The following CERS4 variants were observed in gnomAD, a reference collection of about 807,000 sequenced individuals.
The protein encoded by CERS4 is LAG1 homolog, ceramide synthase 4.
Under a neutral mutation model 51.8 loss-of-function variants are expected in CERS4, and 65 were observed. That is an observed-to-expected ratio of 1.26 (90% CI 1.03 to 1.54). The LOEUF is 1.54. Among genes scored for constraint, CERS4 ranks in the 40% most tolerant of loss-of-function variants. CERS4 has a pLI of 0.00. For missense variants in CERS4, 563 were observed against 500.4 expected (o/e 1.13, Z -1.19); for synonymous variants, 228 against 208.4 (o/e 1.09, Z -0.81).
intron 2 of CERS4, among the ~76,000 whole-genome samples, chr19:8,235,213 T>A (rs1445607673): frequency 1.3e-5 from 2 of 151,510 alleles, no homozygotes; most frequent in Non-Finnish European, 2.9e-5. Context: ...TTCACCATGT[T>A]GGCCAAGATG....
chr19:8,223,726 C>T (rs920020919), intron 2 of CERS4, among the ~76,000 whole-genome samples: 1 of 152,112 alleles, frequency 6.6e-6, no homozygotes, highest in Non-Finnish European at 1.5e-5. Context: ...GTCGAAACTG[C>T]AGTGAACCTT....
chr19:8,261,630 G>A, intron 10 of CERS4, 58 bp from the exon 11 acceptor site: 1 of 1,600,848 alleles, frequency 6.2e-7, no homozygotes, highest in Non-Finnish European at 8.5e-7. Context: ...AAATTCTTAG[G>A]ACTGGGGGCT....
rs773339889 is a variant in CERS4, at chr19:8,251,058, T to C, written c.-1-18T>C. The C allele has an allele frequency of 6.4e-7, 1 of 1,566,270 alleles. No homozygotes were observed. The highest frequency in any genetic ancestry group is 1.8e-5 in the Admixed American group (1 of 54,506). On this transcript the variant is annotated intron_variant, in intron 2 of 11. Coordinates refer to ENST00000251363, the MANE Select transcript of CERS4 (RefSeq NM_024552.3). ...TCTGCTTGCAGACCTCCCAGCTAAC[T>C]GGAACCTGTGTCCACAGAATGCTGT...
chr19:8,226,402 C>T (rs1167987191), intron 2 of CERS4, among the ~76,000 whole-genome samples: 1 of 152,120 alleles, frequency 6.6e-6, no homozygotes, highest in Non-Finnish European at 1.5e-5. Flanking sequence ...TCTGGCTTTG[C>T]ACCTGCTTGG....
At chr19:8,259,161 AG>A (rs1969549107) in intron 10 of CERS4, among the ~76,000 whole-genome samples, 1 of 152,184 alleles carries the variant, frequency 6.6e-6, no homozygotes, top group Non-Finnish European at 1.5e-5. Context: ...GGAAGGGAGC[AG>A]GAAGTATGGG....
intron 2 of CERS4, chr19:8,238,685 G>A (rs562014561): frequency 2.8e-6 from 2 of 707,374 alleles, no homozygotes; most frequent in South Asian, 1.3e-4. Flanking sequence ...GCTGACAGGA[G>A]AGGTGGTTGC....
At position 8,256,346 on chromosome 19, in the gene CERS4, AGCCATG is replaced by A. The variant is rs1429911029; in HGVS notation, c.519+62_519+67del. The A allele has an allele frequency of 1.9e-6, 3 of 1,582,292 alleles. No homozygotes were observed. In the African/African-American group the frequency reaches 4.0e-5, roughly 21 times the overall value. On this transcript the variant is annotated intron_variant, in intron 7 of 11. Coordinates refer to ENST00000251363, the MANE Select transcript of CERS4 (RefSeq NM_024552.3). Reference sequence around the variant, plus strand: ...TGAGGGCGATGATCACAGTTGCTGCAGCCATGGGCATGGGACCCGAACCCTGACACT... The same window carrying A: ...TGAGGGCGATGATCACAGTTGCTGCAGGCATGGGACCCGAACCCTGACACT...
chr19:8,254,398 C>T, intron 3 of CERS4, 101 bp from the exon 4 acceptor site: 3 of 1,017,060 alleles, frequency 2.9e-6, no homozygotes, highest in Non-Finnish European at 4.5e-6. Context: ...AACTTTGCCC[C>T]TCCGAGACTT....
intron 2 of CERS4, among the ~76,000 whole-genome samples, chr19:8,236,670 C>G (rs1968267482): frequency 7.8e-6 from 1 of 127,446 alleles, no homozygotes; most frequent in African/African-American, 3.1e-5. Flanking sequence ...CAGAACCAGG[C>G]CCTGTCTTCT....
In CERS4 at chr19:8,245,126, A is replaced by AC. The variant is rs1555777241; in HGVS notation, c.-1-5950_-1-5949insC. 5.7e-4 allele frequency among the ~76,000 whole-genome samples: 84 copies of AC among 148,218 alleles called. 1 individual carries two copies. Among genetic ancestry groups the AC allele is most frequent in the South Asian group, 3.2e-3 (15 of 4,676 alleles). ...GACTCCATCTCAAAAAAAAAAAAAA[A>AC]AAAAAAAAACACTCTTGGCTTCAAG... On this transcript the variant is annotated intron_variant, in intron 2 of 11. Transcript: ENST00000251363.
rs1397318957 is a variant in CERS4 at position 8,215,245 on chromosome 19, G to A, written c.-2+4383G>A. The stretch of plus-strand genomic sequence containing the variant: ...TGTGATCCCAGCACTTTGGGAGGCC[G>A]ATGTGGGTGGATCGCCTGAGGTCAA... On this transcript the variant is annotated intron_variant, in intron 2 of 11. Transcript: ENST00000251363. Among the ~76,000 whole-genome samples, 8 of 152,182 alleles carry A rather than the reference G, an allele frequency of 5.3e-5. 1 individual carries two copies. The highest frequency in any genetic ancestry group is 3.4e-3 in the Middle Eastern group (1 of 294).
chr19:8,255,709 A>T lies in CERS4; in HGVS notation c.394A>T (p.Lys132Ter). 12 of 1,612,562 alleles carry T rather than the reference A, an allele frequency of 7.4e-6. No homozygotes were observed. Among genetic ancestry groups the T allele is most frequent in the Non-Finnish European group, 1.0e-5 (12 of 1,179,562 alleles). ...RNQDRPQLTK[K>*]FCEASWRFLF... is the part of the protein sequence containing the mutation. The stretch of plus-strand genomic sequence containing the variant: ...CCAGGATCGACCCCAGCTGACCAAG[A>T]AGTTCTGTGAGGCCAGGTAAGCCCA... The change falls in exon 5 of 12, where the codon AAG becomes TAG. Residue 132 changes from lysine to a stop codon, truncating the protein, a stop_gained. Coordinates refer to ENST00000251363, the MANE Select transcript of CERS4 (RefSeq NM_024552.3). LOFTEE classifies it high-confidence loss of function.
At chr19:8,217,397 C>T (rs1351811844) in intron 2 of CERS4, among the ~76,000 whole-genome samples, 1 of 152,090 alleles carries the variant, frequency 6.6e-6, no homozygotes, top group Admixed American at 6.6e-5. Flanking sequence ...GAGACAGAGT[C>T]TCGCTCTGTC....
chr19:8,259,531 C>T (rs1969568575), intron 10 of CERS4, among the ~76,000 whole-genome samples: 1 of 151,956 alleles, frequency 6.6e-6, no homozygotes, highest in Non-Finnish European at 1.5e-5. Context: ...TCTGGGTGCC[C>T]TTTGGCAGCT....
At chr19:8,219,490 C>A (rs1008121706) in intron 2 of CERS4, among the ~76,000 whole-genome samples, 4 of 151,942 alleles carry the variant, frequency 2.6e-5, no homozygotes, top group Admixed American at 2.6e-4. Flanking sequence ...CATAGTAAGA[C>A]CCTATCTCTA....
In CERS4 at chr19:8,251,654, A is replaced by G. The variant is rs570771243; in HGVS notation, c.173+405A>G. On this transcript the variant is annotated intron_variant, in intron 3 of 11. Transcript: ENST00000251363. Reference sequence around the variant, plus strand: ...TGGTGAAACCCTGTCTCTGCTAAAAATACAAAAATTAGCTGGGCGCAAACC... The same window carrying G: ...TGGTGAAACCCTGTCTCTGCTAAAAGTACAAAAATTAGCTGGGCGCAAACC... 1.4e-4 allele frequency among the ~76,000 whole-genome samples: 22 copies of G among 152,064 alleles called. No homozygotes were observed. The South Asian group carries it at 4.6e-3, about 32-fold the overall frequency.
chr19:8,244,133 C>T (rs1187488848), intron 2 of CERS4, among the ~76,000 whole-genome samples: 1 of 152,220 alleles, frequency 6.6e-6, no homozygotes, highest in Non-Finnish European at 1.5e-5. Context: ...CTAGCCACTG[C>T]TGGCTCTGAA....
intron 2 of CERS4, among the ~76,000 whole-genome samples, chr19:8,249,563 A>G (rs970493106): frequency 1.4e-5 from 2 of 146,108 alleles, no homozygotes; most frequent in Admixed American, 1.4e-4. Flanking sequence ...TACCTTCCAT[A>G]GATGGCCAGG....
At chr19:8,256,751 G>T in intron 8 of CERS4, 41 bp downstream of exon 8, 1 of 1,595,242 alleles carries the variant, frequency 6.3e-7, no homozygotes, top group Non-Finnish European at 8.5e-7. Context: ...GTCTCTGGCC[G>T]GGATGCTGGG....
Sources: gnomAD v4.1 joint callset for allele counts (sites outside exome capture counted in the v4.1 genomes callset) on GRCh38, gnomAD v4.1.1 for gene constraint, MANE v1.5 for transcripts, NCBI Gene and HGNC (gene_info 2026-07-23, HGNC 2026-07-21) for gene names.